The following SLC38A2 variants were observed in gnomAD, a reference collection of about 807,000 sequenced individuals.
The protein encoded by SLC38A2 is sodium-coupled neutral amino acid symporter 2.
A neutral mutation model predicts 61.5 loss-of-function variants in SLC38A2; 11 were observed. The observed-to-expected ratio is 0.18, with a 90% confidence interval of 0.11 to 0.30. The LOEUF (loss-of-function observed/expected upper bound fraction) is 0.30. SLC38A2 is among the 10% of genes least tolerant of loss of function. SLC38A2 has a pLI of 1.00. For synonymous variants in SLC38A2, 217 were observed against 212.5 expected (o/e 1.02, Z -0.18); for missense variants, 522 against 600.4 (o/e 0.87, Z 1.36).
chr12:46,367,526 A>G, intron 4 of SLC38A2, 186 bp from the exon 5 acceptor site: 1 of 600,290 alleles, frequency 1.7e-6, no homozygotes, highest in Non-Finnish European at 3.0e-6. Flanking sequence ...CTGGCAGTAA[A>G]AACTTGCATC....
chr12:46,371,140 G>A, intron 2 of SLC38A2, 38 bp downstream of exon 2: 1 of 1,575,860 alleles, frequency 6.3e-7, no homozygotes, highest in South Asian at 1.1e-5. Flanking sequence ...CCCAACCCAT[G>A]CAAGCCGTTT....
intron 4 of SLC38A2, among the ~76,000 whole-genome samples, chr12:46,367,936 C>A (rs1943155813): frequency 6.6e-6 from 1 of 151,992 alleles, no homozygotes; most frequent in Admixed American, 6.6e-5. Context: ...AGTTCGAGAT[C>A]AGCTTGGACA....
At position 46,365,129 on chromosome 12, in the gene SLC38A2, A is replaced by G; in HGVS notation, c.624T>C (p.Pro208=). 6.2e-7 allele frequency: 1 copy of G among 1,613,534 alleles called. No individual in the cohort carries two copies. Among genetic ancestry groups the G allele is most frequent in the Non-Finnish European group, 8.5e-7 (1 of 1,179,628 alleles). The change falls in exon 8 of 16, where the codon CCT becomes CCC. Residue 208 remains proline (P), a synonymous_variant. Transcript: ENST00000256689. The part of the protein sequence containing the change: ...VLLVSLVVIL[P]LSLFRNLGYL... Reference sequence around the variant, plus strand: ...CACCTAAATTTCTAAACAGCGACAAAGGAAGAATGACCACCAATGACACCA... The same window carrying G: ...CACCTAAATTTCTAAACAGCGACAAGGGAAGAATGACCACCAATGACACCA...
Position 46,359,910 on chromosome 12 carries a change from G to A in SLC38A2, c.*1201C>T, listed in dbSNP as rs1943062518. ...AGCTTACTGCATGAGAAACCCAGTGGCCTACGCAAAGAGAACTTATATCAT... is the reference window on the plus strand; with the variant it reads ...AGCTTACTGCATGAGAAACCCAGTGACCTACGCAAAGAGAACTTATATCAT... On this transcript the variant is annotated 3_prime_UTR_variant, in exon 16 of 16. Transcript: ENST00000256689. 1 of 152,642 alleles carries A rather than the reference G, an allele frequency of 6.6e-6. No individual in the cohort carries two copies. Among genetic ancestry groups the A allele is most frequent in the South Asian group, 2.1e-4 (1 of 4,838 alleles). The allele number at this position is 152,642 out of a possible 1,614,324, so 9.5% of individuals were successfully genotyped here. A position where few individuals can be genotyped will look rare whatever the true frequency, so the allele number is the denominator to read the frequency against.
At position 46,361,259 on chromosome 12, in the gene SLC38A2, C is replaced by G. The variant is rs767645779; in HGVS notation, c.1423-50G>C. 6.4e-6 allele frequency: 9 copies of G among 1,403,186 alleles called. No homozygotes were observed. In the Admixed American group the frequency reaches 1.7e-4, roughly 26 times the overall value. 86.9% of individuals were successfully genotyped at this position (1,403,186 alleles called of 1,614,324 possible). A position where few individuals can be genotyped will look rare whatever the true frequency, so the allele number is the denominator to read the frequency against. ...ATCAGCAAGTAATAAAACATATATG[C>G]TAAACATTTCTTCTATTTTTTGAAA... On this transcript the variant is annotated intron_variant, in intron 15 of 15. Transcript: ENST00000256689.
intron 2 of SLC38A2, 110 bp downstream of exon 2, chr12:46,371,068 C>A (rs1943191663): frequency 2.0e-6 from 2 of 1,004,794 alleles, no homozygotes; most frequent in African/African-American, 1.6e-5. Context: ...AGATTACGCA[C>A]CTTCTCTAAA....
At chr12:46,365,876 C>T (rs1417729084) in intron 7 of SLC38A2, among the ~76,000 whole-genome samples, 7 of 152,066 alleles carry the variant, frequency 4.6e-5, no homozygotes, top group Non-Finnish European at 1.0e-4. Flanking sequence ...TTAGGTAAAT[C>T]ATGAATTGCA....
intron 4 of SLC38A2, among the ~76,000 whole-genome samples, chr12:46,369,557 T>TATACATATGGTAGTGTAA (rs1460492389): frequency 2.7e-4 from 41 of 152,324 alleles, no homozygotes; most frequent in Non-Finnish European, 5.0e-4. Context: ...ATGGTTTCCT[T>TATACATATGGTAGTGTAA]ATCTGTACAA....
intron 2 of SLC38A2, 119 bp downstream of exon 2, chr12:46,371,059 G>T (rs1274346551): frequency 2.1e-6 from 2 of 957,138 alleles, no homozygotes; most frequent in Non-Finnish European, 3.4e-6. Flanking sequence ...CTCTTTCAGA[G>T]ATTACGCACC....
Position 46,372,759 on chromosome 12 carries a change from GC to G in SLC38A2, c.-338del, listed in dbSNP as rs1162903716. 1 of 398,214 alleles carries G rather than the reference GC, an allele frequency of 2.5e-6. No individual in the cohort carries two copies. The allele number at this position is 398,214 out of a possible 1,614,324, so 24.7% of individuals were successfully genotyped here. A position where few individuals can be genotyped will look rare whatever the true frequency, so the allele number is the denominator to read the frequency against. On this transcript the variant is annotated 5_prime_UTR_variant, in exon 1 of 16. Coordinates refer to ENST00000256689, the MANE Select transcript of SLC38A2 (RefSeq NM_018976.5). ...ACTGGAAAGGCGTTCTAAGGCGGCG[GC>G]GTCGCGCGGCTGTGGAGCAGCCCTG...
intron 15 of SLC38A2, 173 bp downstream of exon 15, chr12:46,362,111 T>G: frequency 1.8e-6 from 1 of 553,096 alleles, no homozygotes; most frequent in Non-Finnish European, 3.1e-6. Flanking sequence ...TGGCAAACTA[T>G]CTTTCCCCTT....
At position 46,363,752 on chromosome 12, in the gene SLC38A2, G is replaced by A. The variant is rs768100244; in HGVS notation, c.1028C>T (p.Ala343Val). ...GTAAAATGTTAGGTATCCAAAGAGG[G>A]CGGCAAGCAGATACATGAGAAACAT... ...FAMFLMYLLA[A>V]LFGYLTFYEH... The change falls in exon 12 of 16, where the codon GCC (alanine) becomes GTC (valine). Residue 343 changes from alanine to valine, a missense_variant. Ala to Val is a moderately conservative substitution (Grantham distance 64). This residue lies in a region of SLC38A2 where 309 missense variants were observed against 343.9 expected (regional missense o/e 0.90). Transcript: ENST00000256689. 3 of 1,590,998 alleles carry A rather than the reference G, an allele frequency of 1.9e-6. No individual in the cohort carries two copies. Among genetic ancestry groups the A allele is most frequent in the African/African-American group, 1.4e-5 (1 of 73,514 alleles).
intron 1 of SLC38A2, among the ~76,000 whole-genome samples, chr12:46,372,121 AAT>A (rs1283451387): frequency 2.0e-5 from 3 of 152,030 alleles, no homozygotes; most frequent in African/African-American, 7.2e-5. Context: ...CCTCTCCTGT[AAT>A]ACATGCCCAA....
At chr12:46,369,274 A>G (rs1165523626) in intron 4 of SLC38A2, among the ~76,000 whole-genome samples, 1 of 152,212 alleles carries the variant, frequency 6.6e-6, no homozygotes, top group African/African-American at 2.4e-5. Context: ...CTGAGATTCT[A>G]GGATTCTACG....
rs369526060 is a variant in SLC38A2 at position 46,364,468 on chromosome 12, G to A, written c.794C>T (p.Thr265Ile). Residue 265 changes from threonine (T) to isoleucine (I), a missense_variant, in exon 10 of 16, where the codon ACA becomes ATA. Physicochemically the swap from Thr to Ile is moderately conservative, Grantham distance 89 (BLOSUM62 -1). Around this residue, in one of 3 missense-constraint regions of SLC38A2, gnomAD observed 309 missense variants for 343.9 expected, o/e 0.90. Coordinates refer to ENST00000256689, the MANE Select transcript of SLC38A2 (RefSeq NM_018976.5). ...ATGTGACAAAGCAGGTACAAGAGCT[G>A]TTGGCTGTGTTAAGGTGGTGTTTAT... ...ETINTTLTQP[T>I]ALVPALSHNV... The A allele has an allele frequency of 5.7e-5, 92 of 1,613,082 alleles. No homozygotes were observed. In the African/African-American group the frequency reaches 1.1e-3, roughly 19 times the overall value.
Position 46,363,760 on chromosome 12 carries a change from C to T in SLC38A2, c.1020G>A (p.Leu340=), listed in dbSNP as rs1422434896. ...ISFFAMFLMY[L]LAALFGYLTF... ...TTAGGTATCCAAAGAGGGCGGCAAG[C>T]AGATACATGAGAAACATAGCAAAAA... Residue 340 remains leucine, a synonymous_variant, in exon 12 of 16, where the codon CTG becomes CTA. Coordinates refer to ENST00000256689, the MANE Select transcript of SLC38A2 (RefSeq NM_018976.5). 1 of 1,593,090 alleles carries T rather than the reference C, an allele frequency of 6.3e-7. No homozygotes were observed. The highest frequency in any genetic ancestry group is 1.8e-5 in the Admixed American group (1 of 54,286).
In SLC38A2 at chr12:46,367,181, G is replaced by A; in HGVS notation, c.389-13C>T. On this transcript the variant is annotated splice_polypyrimidine_tract_variant and intron_variant, in intron 5 of 15. Transcript: ENST00000256689. ...TATAATAAAGACCCTACAATTTGAA[G>A]ACAGAAGCATGAAGCCAAGGATTTT... 3 of 1,607,656 alleles carry A rather than the reference G, an allele frequency of 1.9e-6. No homozygotes were observed. Among genetic ancestry groups the A allele is most frequent in the Non-Finnish European group, 2.6e-6 (3 of 1,174,762 alleles).
intron 10 of SLC38A2, 147 bp downstream of exon 10, chr12:46,364,240 CAA>C (rs1159354295): frequency 1.1e-6 from 1 of 930,286 alleles, no homozygotes; most frequent in Non-Finnish European, 1.6e-6. Flanking sequence ...AGATGTAAAC[CAA>C]AACTTTCTTC....
intron 15 of SLC38A2, among the ~76,000 whole-genome samples, chr12:46,361,684 T>C (rs1298596389): frequency 1.3e-5 from 2 of 152,272 alleles, no homozygotes; most frequent in East Asian, 3.9e-4. Context: ...TATAAACAAT[T>C]CTAGTACTTT....
Sources: allele counts gnomAD v4.1 joint callset (sites outside exome capture counted in the v4.1 genomes callset), GRCh38; gene constraint gnomAD v4.1.1; regional missense constraint gnomAD v4.1.1; transcripts MANE v1.5; gene names NCBI Gene and HGNC (gene_info 2026-07-23, HGNC 2026-07-21).